Variants in CCDC7 observed in about 807,000 individuals in gnomAD.
The protein encoded by CCDC7 is coiled-coil domain-containing protein 7.
CCDC7 carries 183 observed loss-of-function variants against 196.9 expected under a neutral mutation model. The ratio of observed to expected loss-of-function variants is 0.93; its 90% confidence interval spans 0.82 to 1.05. CCDC7 has a LOEUF of 1.05. Among genes scored for constraint, CCDC7 ranks in the 50% least tolerant of loss-of-function variants. CCDC7 has a pLI of 0.00. For synonymous variants in CCDC7, 525 were observed against 484.6 expected, an observed-to-expected ratio of 1.08 and a Z score of -1.10; for missense variants, 1,540 against 1,482.2, an observed-to-expected ratio of 1.04 and a Z score of -0.64.
chr10:32,579,373 G>GT (rs1345441517), intron 16 of CCDC7, among the ~76,000 whole-genome samples: 1 of 152,034 alleles, frequency 6.6e-6, no homozygotes, highest in East Asian at 1.9e-4. Flanking sequence ...TTTTCACCAT[G>GT]TGCTTGGCCA....
chr10:32,816,884 G>GA (rs1312487815), intron 31 of CCDC7, among the ~76,000 whole-genome samples: 1 of 151,734 alleles, frequency 6.6e-6, no homozygotes, highest in African/African-American at 2.4e-5. Flanking sequence ...CAAAGATGGG[G>GA]AAAAAAAAGA....
chr10:32,727,463 C>T (rs16933660), intron 26 of CCDC7, among the ~76,000 whole-genome samples: 21,789 of 151,966 alleles, frequency 0.14, 1,907 homozygotes, highest in African/African-American at 0.25. Context: ...AAAAGATAGG[C>T]GACTGCACAT....
intron 28 of CCDC7, among the ~76,000 whole-genome samples, chr10:32,770,213 G>T (rs1382951660): frequency 6.6e-6 from 1 of 152,156 alleles, no homozygotes; most frequent in Non-Finnish European, 1.5e-5. Flanking sequence ...ACGTTGGGTT[G>T]TTAACTTGTG....
At chr10:32,709,295 G>C in intron 24 of CCDC7, among the ~76,000 whole-genome samples, 2 of 131,402 alleles carry the variant, frequency 1.5e-5, no homozygotes, top group Non-Finnish European at 3.2e-5. Context: ...CACAGGAAGG[G>C]GAACATCACA....
intron 28 of CCDC7, among the ~76,000 whole-genome samples, chr10:32,770,706 G>A (rs2079036907): frequency 6.6e-6 from 1 of 152,152 alleles, no homozygotes; most frequent in Non-Finnish European, 1.5e-5. Flanking sequence ...AGTGTTATCA[G>A]TGGTCTATTG....
intron 37 of CCDC7, 44 bp downstream of exon 38, chr10:32,846,503 T>A (rs764355233): frequency 4.0e-6 from 5 of 1,238,128 alleles, no homozygotes; most frequent in Non-Finnish European, 5.8e-6. Flanking sequence ...GACCTATTTA[T>A]GTTCCCTGAG....
At position 32,839,151 on chromosome 10, in the gene CCDC7, G is replaced by C. The variant is rs183616553; in HGVS notation, c.3352+4253G>C. On this transcript the variant is annotated intron_variant, in intron 33 of 41. Coordinates refer to ENST00000639629, the Ensembl canonical transcript of CCDC7. ...TACCTCACATCTCAATACTAACATT[G>C]AATGTAAATGACCTAAATGCTGCAC... 8.1e-4 allele frequency among the ~76,000 whole-genome samples: 123 copies of C among 151,976 alleles called. 1 individual carries two copies. The highest frequency in any genetic ancestry group is 1.5e-4 in the Non-Finnish European group (10 of 67,910).
chr10:32,539,374 C>T (rs1347166186), intron 11 of CCDC7, among the ~76,000 whole-genome samples: 1 of 152,016 alleles, frequency 6.6e-6, no homozygotes, highest in African/African-American at 2.4e-5. Context: ...TCAGTGGTAA[C>T]ATCTGCTTTG....
At chr10:32,738,371 A>AT (rs2085224505) in intron 28 of CCDC7, among the ~76,000 whole-genome samples, 1 of 151,998 alleles carries the variant, frequency 6.6e-6, no homozygotes, top group Non-Finnish European at 1.5e-5. Flanking sequence ...TTTCACTTAT[A>AT]TATAAGCTAT....
chr10:32,654,785 G>T (rs1456807547), intron 20 of CCDC7, among the ~76,000 whole-genome samples: 1 of 152,148 alleles, frequency 6.6e-6, no homozygotes, highest in East Asian at 1.9e-4. Flanking sequence ...GAATATTCAT[G>T]TCTTTCCTAA....
At chr10:32,544,275 A>G in exon 13 of CCDC7, 1 of 1,609,416 alleles carries the variant, frequency 6.2e-7, no homozygotes, top group Non-Finnish European at 8.5e-7. Flanking sequence ...AGAGTTTAAA[A>G]TAAAAGAAGA....
chr10:32,454,886 GA>G (rs1384419611), intron 2 of CCDC7, among the ~76,000 whole-genome samples: 4 of 152,082 alleles, frequency 2.6e-5, no homozygotes, highest in Admixed American at 2.0e-4. Flanking sequence ...ATTTCACAGG[GA>G]AACATAATCC....
chr10:32,516,653 A>G (rs552973985), intron 9 of CCDC7, among the ~76,000 whole-genome samples: 4 of 152,320 alleles, frequency 2.6e-5, no homozygotes, highest in African/African-American at 7.2e-5. Context: ...TAGGATGGCT[A>G]TATTCAAATA....
At chr10:32,557,076 T>G (rs2054481573) in intron 13 of CCDC7, among the ~76,000 whole-genome samples, 1 of 152,226 alleles carries the variant, frequency 6.6e-6, no homozygotes. Context: ...CTCTCAAATT[T>G]CAATGAGAAT....
At chr10:32,562,912 T>G (rs899998998) in intron 13 of CCDC7, among the ~76,000 whole-genome samples, 3 of 152,178 alleles carry the variant, frequency 2.0e-5, no homozygotes, top group African/African-American at 7.2e-5. Context: ...CCCCATTGTC[T>G]TAGCCCAAAA....
intron 20 of CCDC7, among the ~76,000 whole-genome samples, chr10:32,657,083 T>C (rs1426557893): frequency 6.6e-6 from 1 of 152,254 alleles, no homozygotes; most frequent in African/African-American, 2.4e-5. Context: ...TGGGCTTCCG[T>C]GGCCTTAGGC....
In CCDC7 at chr10:32,700,887, A is replaced by G. The variant is rs1416623954; in HGVS notation, c.2458+5895A>G. Among the ~76,000 whole-genome samples the G allele has an allele frequency of 3.3e-5, 5 of 152,118 alleles. No homozygotes were observed. In the East Asian group the frequency reaches 9.6e-4, roughly 29 times the overall value. ...TTATTGGTATATAAGAATACTTGTG[A>G]GTTTTGCACATTGATTTTGTGTCCT... On this transcript the variant is annotated intron_variant, in intron 24 of 41. Coordinates refer to ENST00000639629, the Ensembl canonical transcript of CCDC7.
In CCDC7 at chr10:32,499,684, G is replaced by T. The variant is rs182508509; in HGVS notation, c.872+7687G>T. Among the ~76,000 whole-genome samples the T allele has an allele frequency of 4.2e-4, 64 of 152,052 alleles. No homozygotes were observed. The East Asian group carries it at 0.012, about 29-fold the overall frequency. On this transcript the variant is annotated intron_variant, in intron 9 of 41. Coordinates refer to ENST00000639629, the Ensembl canonical transcript of CCDC7. ...TTGGCAGGGTCATAGGACAATAGTG[G>T]AGGGAAGGTCAGCAGATAAACACGT...
chr10:32,744,706 T>G (rs1592271477), intron 28 of CCDC7, among the ~76,000 whole-genome samples: 2 of 152,328 alleles, frequency 1.3e-5, no homozygotes, highest in East Asian at 3.9e-4. Flanking sequence ...CTTTGCATAT[T>G]TTGGGTAACA....
Sources: gnomAD v4.1 joint callset for allele counts (sites outside exome capture counted in the v4.1 genomes callset) on GRCh38, gnomAD v4.1.1 for gene constraint, MANE v1.5 for transcripts, NCBI Gene and HGNC (gene_info 2026-07-23, HGNC 2026-07-21) for gene names.